RABGAP1L: variants seen among roughly 807,000 people sequenced by gnomAD.
The protein encoded by RABGAP1L is RAB GTPase activating protein 1 like.
In RABGAP1L, 63 loss-of-function variants were observed where a neutral mutation model predicts 137.7. The observed-to-expected ratio is 0.46, with a 90% CI of 0.37 to 0.56. RABGAP1L has a LOEUF of 0.56. RABGAP1L is among the 20% of genes least tolerant of loss of function. The pLI is 0.00. For synonymous variants in RABGAP1L, 431 were observed against 433.7 expected (o/e 0.99, Z 0.08); for missense variants, 1,095 against 1,244.0 (o/e 0.88, Z 1.80).
intron 19 of RABGAP1L, among the ~76,000 whole-genome samples, chr1:174,863,333 A>G (rs1001106582): frequency 6.6e-6 from 1 of 151,506 alleles, no homozygotes. Flanking sequence ...TACTTTAGTT[A>G]ATCTTTTCTA....
Position 174,827,786 on chromosome 1 carries a change from C to T in RABGAP1L, c.2340+15826C>T, listed in dbSNP as rs1197171889. Among the ~76,000 whole-genome samples, 2 of 147,880 alleles carry T rather than the reference C, an allele frequency of 1.4e-5. 1 individual carries two copies. The highest frequency in any genetic ancestry group is 3.0e-5 in the Non-Finnish European group (2 of 66,640). On this transcript the variant is annotated intron_variant, in intron 19 of 25. Coordinates refer to ENST00000681986, the MANE Select transcript of RABGAP1L (RefSeq NM_001366446.1). Reference sequence around the variant, plus strand: ...TAGAAGTTCTAATTTACCTTACATACCCTGTTCTAGTATGGTCTTGTTGCA... The same window carrying T: ...TAGAAGTTCTAATTTACCTTACATATCCTGTTCTAGTATGGTCTTGTTGCA...
At chr1:174,579,436 C>T (rs767270886) in intron 13 of RABGAP1L, among the ~76,000 whole-genome samples, 6 of 152,086 alleles carry the variant, frequency 3.9e-5, no homozygotes, top group East Asian at 1.9e-4. Context: ...CTTTAAATTA[C>T]GTATGTGTAT....
rs988265025 is a variant in RABGAP1L, at chr1:174,682,116, A to C, written c.1825-1406A>C. 4.6e-5 allele frequency among the ~76,000 whole-genome samples: 7 copies of C among 152,074 alleles called. No homozygotes were observed. In the South Asian group the frequency reaches 1.2e-3, roughly 27 times the overall value. ...GCCAACATGGTGAAACCCTGTCTCT[A>C]CTAAAACTATGAAAATTAGCTGGGT... On this transcript the variant is annotated intron_variant, in intron 14 of 25. Transcript: ENST00000681986.
chr1:174,946,936 A>ATGTGTGTGTG (rs1311067728), intron 19 of RABGAP1L, among the ~76,000 whole-genome samples: 1 of 65,062 alleles, frequency 1.5e-5, no homozygotes, highest in African/African-American at 8.1e-5. Context: ...ATATATATAT[A>ATGTGTGTGTG]TATATGTGTG....
At chr1:174,877,238 G>A (rs1472863074) in intron 19 of RABGAP1L, among the ~76,000 whole-genome samples, 2 of 152,134 alleles carry the variant, frequency 1.3e-5, no homozygotes, top group Non-Finnish European at 2.9e-5. Flanking sequence ...AATGCAGAAG[G>A]TGTTTATAGT....
chr1:174,560,534 A>T (rs898410679), intron 13 of RABGAP1L, among the ~76,000 whole-genome samples: 1 of 152,212 alleles, frequency 6.6e-6, no homozygotes, highest in Admixed American at 6.5e-5. Context: ...ATTGCTGCTG[A>T]TGGAGAACCA....
chr1:174,237,895 C>T (rs922354439), intron 4 of RABGAP1L, among the ~76,000 whole-genome samples: 15 of 151,002 alleles, frequency 9.9e-5, no homozygotes, highest in African/African-American at 3.4e-4. Flanking sequence ...CTCCCCATCA[C>T]TTTCAGGTAC....
intron 13 of RABGAP1L, among the ~76,000 whole-genome samples, chr1:174,465,223 G>A (rs577661305): frequency 4.6e-5 from 7 of 151,334 alleles, no homozygotes; most frequent in Non-Finnish European, 8.9e-5. Context: ...TTTTTGAGGC[G>A]GAGTCTCGCT....
At chr1:174,480,143 A>G (rs1050898201) in intron 13 of RABGAP1L, among the ~76,000 whole-genome samples, 2 of 152,110 alleles carry the variant, frequency 1.3e-5, no homozygotes, top group Admixed American at 1.3e-4. Context: ...TCATCTATTC[A>G]TGTCTCTGTT....
intron 19 of RABGAP1L, among the ~76,000 whole-genome samples, chr1:174,944,954 A>G (rs1666498613): frequency 1.3e-5 from 2 of 152,216 alleles, no homozygotes; most frequent in African/African-American, 4.8e-5. Flanking sequence ...TCTAATTGCC[A>G]GCGACAATTG....
chr1:174,973,471 A>G (rs1172120397), intron 21 of RABGAP1L, among the ~76,000 whole-genome samples: 1 of 144,442 alleles, frequency 6.9e-6, no homozygotes, highest in East Asian at 2.0e-4. Flanking sequence ...TGCAACCTCT[A>G]TCTCCTGGTT....
intron 14 of RABGAP1L, among the ~76,000 whole-genome samples, chr1:174,656,675 A>G (rs899031514): frequency 6.6e-6 from 1 of 152,036 alleles, no homozygotes; most frequent in Non-Finnish European, 1.5e-5. Flanking sequence ...TGGTGATATT[A>G]TTGTTTGTTG....
chr1:174,988,599 A>G (rs1208670309), intron 24 of RABGAP1L, 42 bp from the exon 25 acceptor site: 8 of 1,426,706 alleles, frequency 5.6e-6, no homozygotes, highest in African/African-American at 1.5e-5. Flanking sequence ...GATTTAGCCT[A>G]TGGAATAGTT....
At chr1:174,198,243 A>G (rs1360659228) in intron 1 of RABGAP1L, among the ~76,000 whole-genome samples, 1 of 152,210 alleles carries the variant, frequency 6.6e-6, no homozygotes, top group African/African-American at 2.4e-5. Context: ...CTGTAATGAT[A>G]AAAATGTCCA....
chr1:174,469,529 T>C (rs1175462601), intron 13 of RABGAP1L, among the ~76,000 whole-genome samples: 1 of 152,166 alleles, frequency 6.6e-6, no homozygotes, highest in African/African-American at 2.4e-5. Flanking sequence ...TGTGACAAGC[T>C]CTGCAGATGA....
intron 18 of RABGAP1L, among the ~76,000 whole-genome samples, chr1:174,782,773 C>T (rs1036625148): frequency 8.5e-5 from 13 of 152,094 alleles, no homozygotes; most frequent in African/African-American, 1.7e-4. Context: ...CCTTTAAACA[C>T]GGGGCTTGTA....
intron 13 of RABGAP1L, among the ~76,000 whole-genome samples, chr1:174,395,689 A>G (rs956605173): frequency 6.6e-6 from 1 of 152,184 alleles, no homozygotes; most frequent in Non-Finnish European, 1.5e-5. Context: ...TGATTTGTTC[A>G]TATGAATATC....
intron 19 of RABGAP1L, among the ~76,000 whole-genome samples, chr1:174,909,180 A>C (rs1181254392): frequency 1.4e-5 from 2 of 142,702 alleles, no homozygotes; most frequent in African/African-American, 5.4e-5. Context: ...CTCTATCTCA[A>C]AAAAAAAAAA....
intron 4 of RABGAP1L, among the ~76,000 whole-genome samples, chr1:174,235,012 T>C (rs1671034206): frequency 7.8e-6 from 1 of 128,160 alleles, no homozygotes; most frequent in South Asian, 2.6e-4. Flanking sequence ...CCTAGGTATT[T>C]TATTCTCTTT....
Sources: allele counts gnomAD v4.1 joint callset (sites outside exome capture counted in the v4.1 genomes callset), GRCh38; gene constraint gnomAD v4.1.1; transcripts MANE v1.5; gene names NCBI Gene and HGNC (gene_info 2026-07-23, HGNC 2026-07-21).